RBMS1: variants seen among roughly 807,000 people sequenced by gnomAD.
The protein encoded by RBMS1 is RNA binding motif single stranded interacting protein 1.
In RBMS1, 17 loss-of-function variants were observed where a neutral mutation model predicts 62.3. The ratio of observed to expected loss-of-function variants is 0.27; its 90% confidence interval spans 0.19 to 0.41. The LOEUF (loss-of-function observed/expected upper bound fraction) is 0.41, where lower values mean the gene tolerates loss of function less well. Ranked by LOEUF, RBMS1 falls within the 10% of genes least tolerant of loss-of-function variation. The probability of loss-of-function intolerance (pLI) is 1.00; values close to 1 mark genes in which losing one functional copy is unlikely to be tolerated. For synonymous variants in RBMS1, 172 were observed against 170.0 expected (o/e 1.01, Z -0.09); for missense variants, 334 against 504.5 (o/e 0.66, Z 3.24).
intron 9 of RBMS1, chr2:160,282,453 G>A: frequency 3.7e-6 from 2 of 537,430 alleles, no homozygotes; most frequent in South Asian, 1.6e-5. Context: ...GTGGAGAAAG[G>A]CCCACTCCAA....
intron 1 of RBMS1, among the ~76,000 whole-genome samples, chr2:160,414,125 G>T (rs1258995194): frequency 6.6e-6 from 1 of 152,172 alleles, no homozygotes; most frequent in African/African-American, 2.4e-5. Context: ...TTGCTCAGTT[G>T]TAAAAGCATG....
chr2:160,399,549 C>G (rs1695330230), intron 1 of RBMS1, among the ~76,000 whole-genome samples: 1 of 151,572 alleles, frequency 6.6e-6, no homozygotes, highest in African/African-American at 2.4e-5. Flanking sequence ...AAATCACTTA[C>G]ACCTACAACT....
chr2:160,455,409 G>C (rs1435739912), intron 1 of RBMS1, among the ~76,000 whole-genome samples: 2 of 152,196 alleles, frequency 1.3e-5, no homozygotes, highest in African/African-American at 4.8e-5. Context: ...GTTAAACCAA[G>C]AGAAATGTTA....
In RBMS1 at chr2:160,493,310, G is replaced by T. The variant is rs1362948873; in HGVS notation, c.54C>A (p.Tyr18Ter). 1 of 1,613,496 alleles carries T rather than the reference G, an allele frequency of 6.2e-7. No individual in the cohort carries two copies. ...TTACCTTGGCTTGCAGATACTGGGG[G>T]TAATAGTAGGTGGCGTACTGAGGGT... is the stretch of plus-strand genomic sequence containing the variant. ...QMYPQYATYY[Y>*]PQYLQAKQSL... The change falls in exon 1 of 14, where the codon TAC becomes TAA. Residue 18 changes from tyrosine (Y) to a stop codon, truncating the protein, a stop_gained. Coordinates refer to ENST00000348849, the MANE Select transcript of RBMS1 (RefSeq NM_016836.4). LOFTEE classifies it high-confidence loss of function.
At chr2:160,390,553 G>A (rs1399015293) in intron 1 of RBMS1, among the ~76,000 whole-genome samples, 1 of 151,916 alleles carries the variant, frequency 6.6e-6, no homozygotes, top group Non-Finnish European at 1.5e-5. Flanking sequence ...TTAATTAGCC[G>A]AGTGTGGTGG....
chr2:160,311,236 A>ATATATATATATATATC, intron 4 of RBMS1, among the ~76,000 whole-genome samples: 1 of 60,714 alleles, frequency 1.6e-5, no homozygotes, highest in African/African-American at 5.9e-5. Flanking sequence ...ATCTATCTAT[A>ATATATATATATATATC]TATATATATA....
At chr2:160,399,943 A>G (rs145289311) in intron 1 of RBMS1, among the ~76,000 whole-genome samples, 20 of 152,350 alleles carry the variant, frequency 1.3e-4, no homozygotes, top group African/African-American at 4.1e-4. Context: ...GACTGGAACC[A>G]ATTTTGCAAA....
chr2:160,290,300 G>T (rs1331157064), intron 6 of RBMS1, among the ~76,000 whole-genome samples: 1 of 151,428 alleles, frequency 6.6e-6, no homozygotes, highest in Non-Finnish European at 1.5e-5. Context: ...AGAAAAGGAA[G>T]TGCCATAAAT....
At chr2:160,328,201 C>G (rs1156592247) in intron 2 of RBMS1, among the ~76,000 whole-genome samples, 1 of 152,114 alleles carries the variant, frequency 6.6e-6, no homozygotes, top group Admixed American at 6.6e-5. Context: ...TATAAATGAC[C>G]ACTATGGTGC....
chr2:160,277,370 G>A lies in RBMS1; in HGVS notation c.1076C>T (p.Thr359Met), dbSNP rs770669508. 2.5e-6 allele frequency: 4 copies of A among 1,612,698 alleles called. No individual in the cohort carries two copies. The highest frequency in any genetic ancestry group is 1.3e-5 in the African/African-American group (1 of 75,002). Residue 359 changes from threonine to methionine, a missense_variant, in exon 12 of 14, where the codon ACG (threonine) becomes ATG (methionine). Thr to Met is a moderately conservative substitution (Grantham distance 81). Transcript: ENST00000348849. Reference protein sequence around the residue: ...LGSTGTYMPATSAMQGAYLPQ... With the variant: ...LGSTGTYMPAMSAMQGAYLPQ... The stretch of plus-strand genomic sequence containing the variant: ...CAAGTAGGCTCCTTGCATAGCTGAC[G>A]TTGCAGGCATGTACTAGAAAGAAGA...
rs544742713 is a variant in RBMS1, at chr2:160,427,807, G to T, written c.76-60416C>A. On this transcript the variant is annotated intron_variant, in intron 1 of 13. Transcript: ENST00000348849. ...CCCTACAGGATTATGTTCTAGGCAA[G>T]TTCGAATGTTAAGTTGAATTTCATT... Among the ~76,000 whole-genome samples the T allele has an allele frequency of 2.0e-5, 3 of 152,268 alleles. No individual in the cohort carries two copies. In the South Asian group the frequency reaches 6.2e-4, roughly 32 times the overall value.
intron 12 of RBMS1, 61 bp from the exon 13 acceptor site, chr2:160,275,775 T>C (rs574441037): frequency 1.2e-6 from 2 of 1,609,512 alleles, no homozygotes; most frequent in African/African-American, 1.3e-5. Context: ...GCTCTGCTAC[T>C]TAGGCCTGAC....
At chr2:160,289,003 G>A (rs1370965645) in intron 6 of RBMS1, among the ~76,000 whole-genome samples, 2 of 152,114 alleles carry the variant, frequency 1.3e-5, no homozygotes, top group African/African-American at 4.8e-5. Context: ...TAAGCAGCCA[G>A]ACCCTGATGC....
chr2:160,493,049 C>T (rs1488915063), intron 1 of RBMS1: 2 of 473,528 alleles, frequency 4.2e-6, no homozygotes, highest in Non-Finnish European at 7.4e-6. Flanking sequence ...GTGGCTCTTT[C>T]CTGTCTAGTC....
At chr2:160,493,011 C>T in intron 1 of RBMS1, 1 of 365,420 alleles carries the variant, frequency 2.7e-6, no homozygotes, top group Non-Finnish European at 4.9e-6. Flanking sequence ...CCACGACCCT[C>T]CCCGCTGGCC....
chr2:160,394,592 G>A (rs1225912495), intron 1 of RBMS1, among the ~76,000 whole-genome samples: 1 of 152,198 alleles, frequency 6.6e-6, no homozygotes, highest in Non-Finnish European at 1.5e-5. Flanking sequence ...GACCTTAACA[G>A]AGGAGAAATT....
At chr2:160,424,998 A>G (rs919566258) in intron 1 of RBMS1, among the ~76,000 whole-genome samples, 3 of 152,150 alleles carry the variant, frequency 2.0e-5, no homozygotes, top group Non-Finnish European at 2.9e-5. Context: ...TTAAAAAAAA[A>G]AAGTCTTCAG....
intron 1 of RBMS1, among the ~76,000 whole-genome samples, chr2:160,379,110 T>G (rs925317872): frequency 6.6e-6 from 1 of 152,090 alleles, no homozygotes; most frequent in Admixed American, 6.5e-5. Flanking sequence ...TCCCAGCTAC[T>G]CTGGTGGCTG....
chr2:160,448,720 T>C (rs1035013433), intron 1 of RBMS1, among the ~76,000 whole-genome samples: 16 of 152,210 alleles, frequency 1.1e-4, no homozygotes, highest in African/African-American at 3.9e-4. Flanking sequence ...CGCCAACCCG[T>C]CTGGGAAGTG....
Sources: gnomAD v4.1 joint callset for allele counts (sites outside exome capture counted in the v4.1 genomes callset) on GRCh38, gnomAD v4.1.1 for gene constraint, MANE v1.5 for transcripts, NCBI Gene and HGNC (gene_info 2026-07-23, HGNC 2026-07-21) for gene names.